The following PRKCZ variants were observed in gnomAD, a reference collection of about 807,000 sequenced individuals.
PRKCZ encodes protein kinase C zeta type.
In PRKCZ, 33 loss-of-function variants were observed where a neutral mutation model predicts 79.5. The ratio of observed to expected loss-of-function variants is 0.41; its 90% CI spans 0.31 to 0.55. The LOEUF is 0.55. Among genes scored for constraint, PRKCZ ranks in the 20% least tolerant of loss-of-function variants. The probability of loss-of-function intolerance (pLI) is 0.19; values close to 1 mark genes in which losing one functional copy is unlikely to be tolerated. For missense variants in PRKCZ, 578 were observed against 813.5 expected, an observed-to-expected ratio of 0.71 and a Z score of 3.52; for synonymous variants, 342 against 320.9, an observed-to-expected ratio of 1.07 and a Z score of -0.70.
intron 4 of PRKCZ, among the ~76,000 whole-genome samples, chr1:2,103,144 C>T (rs552508300): frequency 3.9e-5 from 6 of 152,316 alleles, no homozygotes; most frequent in South Asian, 2.1e-4. Context: ...GGAGCCACCA[C>T]GCCGGGCTAG....
chr1:2,072,357 A>C (rs563237741), intron 4 of PRKCZ, among the ~76,000 whole-genome samples: 1 of 152,260 alleles, frequency 6.6e-6, no homozygotes, highest in Non-Finnish European at 1.5e-5. Flanking sequence ...GAGGCCAGCC[A>C]TCAGGAGATG....
chr1:2,163,226 G>A (rs1316974668), intron 10 of PRKCZ, among the ~76,000 whole-genome samples: 1 of 152,190 alleles, frequency 6.6e-6, no homozygotes, highest in East Asian at 1.9e-4. Context: ...TACCCATCTC[G>A]GGCAGGCAGC....
intron 16 of PRKCZ, among the ~76,000 whole-genome samples, chr1:2,179,266 T>TG (rs992710212): frequency 3.3e-5 from 5 of 152,180 alleles, no homozygotes; most frequent in Non-Finnish European, 5.9e-5. Context: ...GCAAAGGCCG[T>TG]GGGGAAGTTG....
intron 4 of PRKCZ, among the ~76,000 whole-genome samples, chr1:2,124,336 G>A (rs1354037991): frequency 9.5e-6 from 1 of 105,004 alleles, no homozygotes; most frequent in African/African-American, 3.2e-5. Context: ...GGGTCACGGT[G>A]GTGGTTAGGG....
chr1:2,113,330 C>A (rs1670122618), intron 4 of PRKCZ, among the ~76,000 whole-genome samples: 2 of 152,208 alleles, frequency 1.3e-5, no homozygotes, highest in Non-Finnish European at 2.9e-5. Context: ...CTTCGGTGGG[C>A]TGCCTGTGGA....
rs368944910 is a variant in PRKCZ at position 2,059,554 on chromosome 1, C to T, written c.297C>T (p.Thr99=). The change falls in exon 4 of 18, where the codon ACC becomes ACT. Residue 99 remains threonine, a synonymous_variant. Transcript: ENST00000378567. The part of the protein sequence containing the change: ...EGLIIHVFPS[T]PEQPGLPCPG... ...TCTCTTGTCCAGTTTTCCCGAGCACCCCTGAGCAGCCTGGCCTGCCATGTC... is the reference window on the plus strand; with the variant it reads ...TCTCTTGTCCAGTTTTCCCGAGCACTCCTGAGCAGCCTGGCCTGCCATGTC... 1 of 1,614,234 alleles carries T rather than the reference C, an allele frequency of 6.2e-7. No homozygotes were observed. Among genetic ancestry groups the T allele is most frequent in the African/African-American group, 1.3e-5 (1 of 75,062 alleles).
rs538293473 is a variant in PRKCZ, at chr1:2,155,270, G to A, written c.877-725G>A. Among the ~76,000 whole-genome samples, 8 of 147,434 alleles carry A rather than the reference G, an allele frequency of 5.4e-5. No homozygotes were observed. In the East Asian group the frequency reaches 7.8e-4, roughly 14 times the overall value. Reference sequence around the variant, plus strand: ...TGGTAGTGATGACATTGAGGATGACGGTGGTGGTGATGATGATGGTAGTGG... The same window carrying A: ...TGGTAGTGATGACATTGAGGATGACAGTGGTGGTGATGATGATGGTAGTGG... On this transcript the variant is annotated intron_variant, in intron 9 of 17. Transcript: ENST00000378567.
rs747754151 is a variant in PRKCZ, at chr1:2,144,363, G to T, written c.552+22G>T. 12 of 1,558,804 alleles carry T rather than the reference G, an allele frequency of 7.7e-6. 1 individual carries two copies. In the South Asian group the frequency reaches 1.3e-4, roughly 17 times the overall value. ...TATGGTGAGTGGCAGGGCTGGGGAG[G>T]CCCGGGGGGCACGGGCGGGGTCGGG... On this transcript the variant is annotated intron_variant, in intron 6 of 17. Transcript: ENST00000378567.
At chr1:2,071,405 A>G (rs1263087319) in intron 4 of PRKCZ, 7 of 411,440 alleles carry the variant, frequency 1.7e-5, no homozygotes, top group Non-Finnish European at 3.4e-5. Context: ...CGCCTGTGGA[A>G]CAGTGGGGAC....
At chr1:2,085,466 C>T (rs1392648763) in intron 4 of PRKCZ, among the ~76,000 whole-genome samples, 1 of 152,272 alleles carries the variant, frequency 6.6e-6, no homozygotes. Context: ...AGAACCCAGA[C>T]TGGTTGCTGC....
intron 10 of PRKCZ, among the ~76,000 whole-genome samples, chr1:2,164,390 G>T (rs369852016): frequency 6.6e-6 from 1 of 152,216 alleles, no homozygotes; most frequent in East Asian, 1.9e-4. Flanking sequence ...CCTGAGCTCC[G>T]TGGGGCCACA....
At chr1:2,140,798 G>T (rs1571758864) in intron 5 of PRKCZ, among the ~76,000 whole-genome samples, 1 of 152,284 alleles carries the variant, frequency 6.6e-6, no homozygotes, top group African/African-American at 2.4e-5. Context: ...GCGAAACTTT[G>T]TCTCTACTAA....
chr1:2,079,055 G>T (rs1330717950), intron 4 of PRKCZ, among the ~76,000 whole-genome samples: 1 of 152,156 alleles, frequency 6.6e-6, no homozygotes, highest in Non-Finnish European at 1.5e-5. Flanking sequence ...TGTTAGCCAG[G>T]ATGGTCTCGA....
intron 11 of PRKCZ, among the ~76,000 whole-genome samples, 192 bp from the exon 12 acceptor site, chr1:2,171,863 G>A (rs1406624836): frequency 6.6e-6 from 1 of 152,200 alleles, no homozygotes; most frequent in Non-Finnish European, 1.5e-5. Flanking sequence ...GGCGCATGGG[G>A]TGGTGTCCTG....
chr1:2,091,986 C>T (rs541003952), intron 4 of PRKCZ, among the ~76,000 whole-genome samples: 15 of 152,314 alleles, frequency 9.8e-5, no homozygotes, highest in Admixed American at 6.5e-4. Context: ...TGGAAAGCGT[C>T]GTGCCAGACA....
chr1:2,115,763 A>G (rs1258271074), intron 4 of PRKCZ, among the ~76,000 whole-genome samples: 1 of 152,216 alleles, frequency 6.6e-6, no homozygotes, highest in Non-Finnish European at 1.5e-5. Context: ...AGCCACACGG[A>G]GGAGCTGCAC....
chr1:2,166,348 G>T (rs376837221), intron 10 of PRKCZ, among the ~76,000 whole-genome samples: 1 of 152,198 alleles, frequency 6.6e-6, no homozygotes, highest in African/African-American at 2.4e-5. Flanking sequence ...GAGCCTGGGA[G>T]GTCGAGGCTG....
At chr1:2,102,621 C>G (rs553476257) in intron 4 of PRKCZ, among the ~76,000 whole-genome samples, 1 of 152,162 alleles carries the variant, frequency 6.6e-6, no homozygotes, top group Non-Finnish European at 1.5e-5. Context: ...TGTGAGCCAC[C>G]GTGCCCGGCC....
chr1:2,082,693 G>A lies in PRKCZ; in HGVS notation c.334+23102G>A, dbSNP rs1405129956. 2.1e-5 allele frequency among the ~76,000 whole-genome samples: 3 copies of A among 141,134 alleles called. No homozygotes were observed. The highest frequency in any genetic ancestry group is 7.6e-5 in the African/African-American group (3 of 39,484). 92.6% of individuals were successfully genotyped at this position (141,134 alleles called of 152,430 possible). A position where few individuals can be genotyped will look rare whatever the true frequency, so the allele number is the denominator to read the frequency against. ...TCGGCTTCTGAGAGTTGGTCCCCCC[G>A]CCCAACCCTCCCCTGGAGATGGGAT... On this transcript the variant is annotated intron_variant, in intron 4 of 17. Transcript: ENST00000378567. This position sits in a 1 kb window ranked among gnomAD's most constrained non-coding sequence, Gnocchi z 4.4.
Sources: allele counts gnomAD v4.1 joint callset (sites outside exome capture counted in the v4.1 genomes callset), GRCh38; gene constraint gnomAD v4.1.1; non-coding constraint Gnocchi (gnomAD v3.1); transcripts MANE v1.5; gene names NCBI Gene and HGNC (gene_info 2026-07-23, HGNC 2026-07-21).